AKR1C3: variants seen among roughly 807,000 people sequenced by gnomAD.
AKR1C3 encodes aldo-keto reductase family 1 member C3.
In AKR1C3, 48 loss-of-function variants were observed where a neutral mutation model predicts 43.6. The observed-to-expected ratio is 1.10, with a 90% CI of 0.87 to 1.40. The LOEUF (loss-of-function observed/expected upper bound fraction) is 1.40, where lower values mean the gene tolerates loss of function less well. Among genes scored for constraint, AKR1C3 ranks in the 40% most tolerant of loss-of-function variants. The pLI, the probability that AKR1C3 is intolerant of heterozygous loss-of-function variation, is 0.00. For missense variants in AKR1C3, 482 were observed against 391.2 expected, an observed-to-expected ratio of 1.23 and a Z score of -1.96; for synonymous variants, 162 against 139.6, an observed-to-expected ratio of 1.16 and a Z score of -1.13.
chr10:5,068,399 C>G (rs992714206), intron 1 of AKR1C3, among the ~76,000 whole-genome samples: 2 of 151,134 alleles, frequency 1.3e-5, no homozygotes, highest in South Asian at 2.1e-4. Context: ...TTAGAAAAGA[C>G]AATTTTGAAA....
chr10:5,060,041 G>A (rs370688836), intron 1 of AKR1C3, among the ~76,000 whole-genome samples: 24 of 152,174 alleles, frequency 1.6e-4, no homozygotes, highest in African/African-American at 5.3e-4. Flanking sequence ...CCTTTGTGGT[G>A]AGTGTTAGAG....
At chr10:5,054,616 A>G (rs1838221193) in intron 1 of AKR1C3, among the ~76,000 whole-genome samples, 1 of 151,922 alleles carries the variant, frequency 6.6e-6, no homozygotes, top group Admixed American at 6.5e-5. Flanking sequence ...TACTACTTCC[A>G]TCTCTCTTTC....
At chr10:5,094,336 A>G, upstream of AKR1C3, 1 of 1,252,010 alleles carries the variant, frequency 8.0e-7, no homozygotes, top group Middle Eastern at 2.3e-4. Context: ...CCATTGGTTA[A>G]CCATCAGTCA....
chr10:5,053,905 C>G (rs577819459), intron 1 of AKR1C3, among the ~76,000 whole-genome samples: 7 of 152,200 alleles, frequency 4.6e-5, no homozygotes, highest in Non-Finnish European at 1.0e-4. Flanking sequence ...GGCCTTGATT[C>G]TAGAGGAAAC....
intron 1 of AKR1C3, among the ~76,000 whole-genome samples, chr10:5,069,215 G>C (rs1161327704): frequency 6.6e-6 from 1 of 152,154 alleles, no homozygotes; most frequent in Non-Finnish European, 1.5e-5. Flanking sequence ...ATATTCTTTT[G>C]CAAGCATGTC....
intron 1 of AKR1C3, among the ~76,000 whole-genome samples, chr10:5,069,843 C>T (rs2131801840): frequency 6.6e-6 from 1 of 152,020 alleles, no homozygotes. Flanking sequence ...CATTGCACTC[C>T]AGCCTGGGCA....
intron 1 of AKR1C3, 25 bp downstream of exon 1, chr10:5,094,553 C>T (rs200503347): frequency 3.1e-6 from 5 of 1,610,560 alleles, no homozygotes; most frequent in East Asian, 2.2e-5. Flanking sequence ...TTTTAGTTTT[C>T]GGATTTCAAA....
At chr10:5,063,853 G>A (rs1371871700) in intron 1 of AKR1C3, among the ~76,000 whole-genome samples, 1 of 148,874 alleles carries the variant, frequency 6.7e-6, no homozygotes, top group African/African-American at 2.5e-5. Flanking sequence ...GTAATGCCTG[G>A]GCTATCTTCT....
rs1554784855 is a variant in AKR1C3, at chr10:5,094,468, A to G, written c.24A>G (p.Val8=). ...GAATGGATTCCAAACACCAGTGTGT[A>G]AAGCTAAATGATGGCCACTTCATGC... MDSKHQC[V]KLNDGHFMPV... is the part of the protein sequence containing the mutation. The change falls in exon 1 of 9, where the codon GTA becomes GTG. Residue 8 remains valine, a synonymous_variant. Coordinates refer to ENST00000380554, the MANE Select transcript of AKR1C3 (RefSeq NM_003739.6). The G allele has an allele frequency of 1.9e-6, 3 of 1,612,792 alleles. No individual in the cohort carries two copies. The highest frequency in any genetic ancestry group is 2.2e-5 in the South Asian group (2 of 91,058).
intron 6 of AKR1C3, 82 bp downstream of exon 6, chr10:5,102,292 T>TTAAGTTTC: frequency 6.3e-7 from 1 of 1,578,898 alleles, no homozygotes; most frequent in Non-Finnish European, 8.7e-7. Flanking sequence ...TTTCCTGTAG[T>TTAAGTTTC]TAAGTTTCAA....
chr10:5,097,305 A>C, intron 2 of AKR1C3, 129 bp from the exon 3 acceptor site: 5 of 1,098,476 alleles, frequency 4.6e-6, no homozygotes, highest in Non-Finnish European at 6.6e-6. Context: ...ATGAGAAGGA[A>C]GAGAATATGT....
intron 1 of AKR1C3, 58 bp from the exon 2 acceptor site, chr10:5,096,352 C>T (rs1554785108): frequency 6.4e-7 from 1 of 1,561,090 alleles, no homozygotes; most frequent in African/African-American, 1.4e-5. Context: ...AATGCTTGTG[C>T]CTGAACTACC....
At chr10:5,094,325 G>A, upstream of AKR1C3, 1 of 1,067,800 alleles carries the variant, frequency 9.4e-7, no homozygotes, top group Non-Finnish European at 1.4e-6. Flanking sequence ...CCTCCTACAT[G>A]CCATTGGTTA....
chr10:5,104,232 C>CTTTACTTAT (rs1239491655), intron 7 of AKR1C3, among the ~76,000 whole-genome samples: 2 of 152,156 alleles, frequency 1.3e-5, no homozygotes, highest in East Asian at 3.9e-4. Context: ...TGGTAATTCT[C>CTTTACTTAT]TTTACTTATA....
intron 1 of AKR1C3, among the ~76,000 whole-genome samples, chr10:5,086,719 T>C (rs1468409605): frequency 6.6e-6 from 1 of 152,106 alleles, no homozygotes; most frequent in Non-Finnish European, 1.5e-5. Context: ...CTAAGTCTCT[T>C]TGTAGGTCAC....
chr10:5,083,537 T>C (rs1483504560), intron 1 of AKR1C3, among the ~76,000 whole-genome samples: 1 of 152,082 alleles, frequency 6.6e-6, no homozygotes, highest in African/African-American at 2.4e-5. Context: ...GCTATAAACA[T>C]ACGTGTGCAT....
chr10:5,101,654 T>C (rs904353170), intron 5 of AKR1C3, among the ~76,000 whole-genome samples: 1 of 152,210 alleles, frequency 6.6e-6, no homozygotes, highest in Non-Finnish European at 1.5e-5. Flanking sequence ...TCTTACCCAA[T>C]GGGTAGATTT....
In AKR1C3 at chr10:5,096,434, G is replaced by C. The variant is rs1839209262; in HGVS notation, c.109G>C (p.Val37Leu). 3 of 1,613,316 alleles carry C rather than the reference G, an allele frequency of 1.9e-6. No individual in the cohort carries two copies. The highest frequency in any genetic ancestry group is 2.5e-6 in the Non-Finnish European group (3 of 1,179,536). Reference sequence around the variant, plus strand: ...GGTTCCGAGAAGTAAAGCTTTGGAGGTCACAAAATTAGCAATAGAAGCTGG... The same window carrying C: ...GGTTCCGAGAAGTAAAGCTTTGGAGCTCACAAAATTAGCAATAGAAGCTGG... The part of the protein sequence containing the change: ...PEVPRSKALE[V>L]TKLAIEAGFR... Residue 37 changes from valine to leucine, a missense_variant, in exon 2 of 9, where the codon GTC becomes CTC. By Grantham distance (32) the Val-to-Leu change is conservative. Coordinates refer to ENST00000380554, the MANE Select transcript of AKR1C3 (RefSeq NM_003739.6).
intron 7 of AKR1C3, 75 bp downstream of exon 7, chr10:5,102,725 G>A: frequency 1.4e-6 from 2 of 1,474,640 alleles, no homozygotes; most frequent in Admixed American, 2.5e-5. Flanking sequence ...AAGGCTCTCA[G>A]GACAGCCTTG....
Sources: gnomAD v4.1 joint callset for allele counts (sites outside exome capture counted in the v4.1 genomes callset) on GRCh38, gnomAD v4.1.1 for gene constraint, MANE v1.5 for transcripts, NCBI Gene and HGNC (gene_info 2026-07-23, HGNC 2026-07-21) for gene names.